The following FRMPD4 variants were observed in gnomAD, a reference collection of about 807,000 sequenced individuals.
The protein encoded by FRMPD4 is FERM and PDZ domain-containing protein 4.
In FRMPD4, 22 loss-of-function variants were observed where a neutral mutation model predicts 94.1. That is an observed-to-expected ratio of 0.23 (90% CI 0.17 to 0.33). FRMPD4 has a LOEUF of 0.33. Among genes scored for constraint, FRMPD4 ranks in the 10% least tolerant of loss-of-function variants. The pLI is 1.00. For synonymous variants in FRMPD4, 631 were observed against 548.6 expected (o/e 1.15, Z -2.10); for missense variants, 1,111 against 1,339.9 (o/e 0.83, Z 2.67).
intron 2 of FRMPD4, among the ~76,000 whole-genome samples, chrX:12,512,622 T>C (rs146213038): frequency 0.024 from 2,671 of 112,835 alleles, 43 homozygotes; most frequent in Non-Finnish European, 0.038. Flanking sequence ...CAGTCTATCA[T>C]TGATGGGCAT....
chrX:12,619,297 C>T (rs769413567), intron 4 of FRMPD4, among the ~76,000 whole-genome samples: 1 of 111,862 alleles, frequency 8.9e-6, no homozygotes, highest in East Asian at 2.8e-4. Context: ...TCCTGGGTAG[C>T]GGTAGTGTTC....
chrX:12,355,357 T>A (rs1433199485), intron 1 of FRMPD4, among the ~76,000 whole-genome samples: 1 of 110,959 alleles, frequency 9.0e-6, no homozygotes, highest in South Asian at 3.9e-4. Flanking sequence ...GTTTTGTAAT[T>A]TTTTGTAGAG....
chrX:11,957,822 A>AGT (rs2054264890), intron 3 of FRMPD4, among the ~76,000 whole-genome samples: 1 of 112,515 alleles, frequency 8.9e-6, no homozygotes, highest in Non-Finnish European at 1.9e-5. Context: ...CTTTGGAGAT[A>AGT]GTAATCTTTT....
chrX:12,614,901 G>C lies in FRMPD4; in HGVS notation c.422+20G>C, dbSNP rs1231798643. ...GGTCAGGTGAGTGACTCATTCACCT[G>C]TGTCCTGTTCTGCTTTGAAGGCTGC... On this transcript the variant is annotated intron_variant, in intron 4 of 16. Transcript: ENST00000675598. The C allele has an allele frequency of 2.1e-6, 2 of 950,115 alleles. No individual in the cohort carries two copies. Among genetic ancestry groups the C allele is most frequent in the Non-Finnish European group, 3.0e-6 (2 of 662,626 alleles). 78.3% of individuals were successfully genotyped at this position (950,115 alleles called of 1,213,427 possible).
chrX:12,185,098 C>T (rs1184482750), intron 1 of FRMPD4, among the ~76,000 whole-genome samples: 3 of 111,316 alleles, frequency 2.7e-5, no homozygotes, highest in Non-Finnish European at 5.7e-5. Context: ...CAAAACATCT[C>T]ATGCACACCA....
intron 1 of FRMPD4, among the ~76,000 whole-genome samples, chrX:12,331,661 T>C (rs1388623410): frequency 2.6e-5 from 2 of 76,006 alleles, no homozygotes; most frequent in Non-Finnish European, 4.6e-5. Flanking sequence ...ATTTATATAA[T>C]ATATAAATAT....
chrX:11,914,192 C>G (rs2054010979), intron 3 of FRMPD4, among the ~76,000 whole-genome samples: 1 of 111,031 alleles, frequency 9.0e-6, no homozygotes, highest in Non-Finnish European at 1.9e-5. Flanking sequence ...TCTAGCATGA[C>G]AAATTGATGG....
At chrX:12,588,179 C>T (rs112444361) in intron 2 of FRMPD4, among the ~76,000 whole-genome samples, 3,322 of 111,268 alleles carry the variant, frequency 0.03, 139 homozygotes, top group African/African-American at 0.1. Context: ...TTAGTAGAGA[C>T]GGGATTTCAC....
intron 3 of FRMPD4, among the ~76,000 whole-genome samples, chrX:12,088,637 C>T (rs1250239196): frequency 2.7e-5 from 3 of 111,776 alleles, no homozygotes; most frequent in Admixed American, 9.5e-5. Context: ...GAAGGGTTTT[C>T]GTGACAGTCT....
chrX:12,448,870 C>G (rs1457343420), intron 1 of FRMPD4, among the ~76,000 whole-genome samples: 1 of 111,714 alleles, frequency 9.0e-6, no homozygotes, highest in Admixed American at 9.5e-5. Flanking sequence ...TACACACAAC[C>G]ATACTCTCCA....
chrX:12,692,207 G>A (rs2060086658), intron 8 of FRMPD4, among the ~76,000 whole-genome samples: 1 of 112,137 alleles, frequency 8.9e-6, no homozygotes, highest in African/African-American at 3.2e-5. Flanking sequence ...TAAAATGTTG[G>A]AAGGAAATAA....
intron 2 of FRMPD4, chrX:12,583,416 G>A (rs1415444802): frequency 5.9e-6 from 7 of 1,180,127 alleles, no homozygotes; most frequent in Admixed American, 4.4e-5. Context: ...CACACTCACC[G>A]AACATGGCTT....
intron 1 of FRMPD4, among the ~76,000 whole-genome samples, chrX:12,173,846 G>T (rs4830764): frequency 0.43 from 46,803 of 109,355 alleles, 8,699 homozygotes; most frequent in East Asian, 0.82. Context: ...TCCACAGATC[G>T]TGGTGGCCCT....
chrX:12,625,035 G>T (rs1023547618), intron 4 of FRMPD4, among the ~76,000 whole-genome samples: 4 of 111,893 alleles, frequency 3.6e-5, no homozygotes, highest in African/African-American at 9.7e-5. Flanking sequence ...TATAAAAAAT[G>T]CTCAACATCA....
intron 1 of FRMPD4, among the ~76,000 whole-genome samples, chrX:12,415,900 G>A (rs5979618): frequency 0.48 from 53,192 of 111,115 alleles, 9,695 homozygotes; most frequent in African/African-American, 0.59. Flanking sequence ...TATTATTTGC[G>A]ATTATCAGCT....
rs2055637402 is a variant in FRMPD4, at chrX:12,138,691, C to A, written c.-281C>A. 2 of 299,775 alleles carry A rather than the reference C, an allele frequency of 6.7e-6. No homozygotes were observed. The highest frequency in any genetic ancestry group is 1.2e-5 in the Non-Finnish European group (2 of 172,889). The allele number at this position is 299,775 out of a possible 1,213,427, so 24.7% of individuals were successfully genotyped here. A position where few individuals can be genotyped will look rare whatever the true frequency, so the allele number is the denominator to read the frequency against. On this transcript the variant is annotated 5_prime_UTR_variant, in exon 1 of 17. Coordinates refer to ENST00000675598, the MANE Select transcript of FRMPD4 (RefSeq NM_001368397.1). ...AGACCCGGGCCGCGCTCCCCGCCCC[C>A]GCCTCTTGCGCCCTGCCTGGCTCCC...
At chrX:12,441,158 A>G (rs1489464817) in intron 1 of FRMPD4, among the ~76,000 whole-genome samples, 1 of 112,126 alleles carries the variant, frequency 8.9e-6, no homozygotes, top group East Asian at 2.8e-4. Flanking sequence ...TAAACTTACA[A>G]TCGCCAGCCC....
chrX:12,060,566 A>C (rs929801743), intron 3 of FRMPD4, among the ~76,000 whole-genome samples: 1 of 110,873 alleles, frequency 9.0e-6, no homozygotes, highest in East Asian at 2.8e-4. Context: ...TCCCCCCACT[A>C]TCTATAAGAT....
At chrX:12,600,071 A>G (rs2059071389) in intron 2 of FRMPD4, among the ~76,000 whole-genome samples, 2 of 111,409 alleles carry the variant, frequency 1.8e-5, no homozygotes, top group South Asian at 7.5e-4. Flanking sequence ...TTCATTGAGT[A>G]AAAATGTGAA....
Sources: allele counts gnomAD v4.1 joint callset (sites outside exome capture counted in the v4.1 genomes callset), GRCh38; gene constraint gnomAD v4.1.1; transcripts MANE v1.5; gene names NCBI Gene and HGNC (gene_info 2026-07-23, HGNC 2026-07-21).